The following AOPEP variants were observed in gnomAD, a reference collection of about 807,000 sequenced individuals.
AOPEP encodes the protein aminopeptidase O (putative).
A neutral mutation model predicts 98.1 loss-of-function variants in AOPEP; 77 were observed. That is an observed-to-expected ratio of 0.78 (90% CI 0.65 to 0.95). The LOEUF (loss-of-function observed/expected upper bound fraction) is 0.95, where lower values mean the gene tolerates loss of function less well. AOPEP is among the 40% of genes least tolerant of loss of function. AOPEP has a pLI of 0.00. For synonymous variants in AOPEP, 346 were observed against 365.3 expected, an observed-to-expected ratio of 0.95 and a Z score of 0.60; for missense variants, 1,024 against 1,024.7, an observed-to-expected ratio of 1.00 and a Z score of 0.01.
intron 3 of AOPEP, among the ~76,000 whole-genome samples, chr9:94,789,921 G>A (rs923117565): frequency 4.6e-5 from 7 of 151,406 alleles, no homozygotes; most frequent in South Asian, 2.1e-4. Context: ...TGGCCCAGGC[G>A]GGAGTGCAGT....
chr9:94,955,881 T>C (rs1461503452), intron 8 of AOPEP, 27 bp from the exon 9 acceptor site: 2 of 1,535,946 alleles, frequency 1.3e-6, no homozygotes, highest in Non-Finnish European at 1.8e-6. Flanking sequence ...TAGGCCTCTT[T>C]TTCTCTCTCT....
intron 10 of AOPEP, among the ~76,000 whole-genome samples, chr9:94,977,463 T>G (rs1201945664): frequency 1.3e-5 from 2 of 152,144 alleles, no homozygotes; most frequent in Non-Finnish European, 2.9e-5. Context: ...GCCCCACTGC[T>G]CTGGCAAATT....
intron 3 of AOPEP, among the ~76,000 whole-genome samples, chr9:94,791,503 CA>C (rs34364751): frequency 0.15 from 21,155 of 136,612 alleles, 1,570 homozygotes; most frequent in Admixed American, 0.2. Flanking sequence ...ACCTGTCTCT[CA>C]AAAAAAAAAA....
intron 5 of AOPEP, among the ~76,000 whole-genome samples, chr9:94,835,558 A>G (rs1321145662): frequency 6.6e-6 from 1 of 152,204 alleles, no homozygotes; most frequent in African/African-American, 2.4e-5. Context: ...GGTTTCCTGC[A>G]CGTCCCAGTG....
intron 5 of AOPEP, chr9:94,900,699 A>T (rs1277954732): frequency 6.6e-6 from 1 of 152,188 alleles, no homozygotes; most frequent in Admixed American, 6.5e-5. Flanking sequence ...TTTTCTCTGC[A>T]TGTCTGTATC....
downstream of AOPEP, among the ~76,000 whole-genome samples, chr9:95,090,447 C>G (rs933141587): frequency 2.0e-5 from 3 of 152,218 alleles, no homozygotes; most frequent in African/African-American, 4.8e-5. Context: ...GCTGTCTGAA[C>G]ACAGGCTGCG....
the AOPEP span, chr9:95,099,733 C>T: frequency 4.3e-6 from 1 of 232,616 alleles, no homozygotes; most frequent in Non-Finnish European, 8.5e-6. Flanking sequence ...GCACCACCGG[C>T]AAGGCCGCCT....
intron 5 of AOPEP, among the ~76,000 whole-genome samples, chr9:94,891,513 A>G (rs1395962981): frequency 1.3e-5 from 2 of 152,080 alleles, no homozygotes; most frequent in African/African-American, 4.8e-5. Context: ...TTTTTTTAGC[A>G]TATTGCATTT....
In AOPEP at chr9:95,011,926, A is replaced by G. The variant is rs143657289; in HGVS notation, c.2115+6310A>G. 3.9e-4 allele frequency among the ~76,000 whole-genome samples: 59 copies of G among 152,304 alleles called. 1 individual carries two copies. In the East Asian group the frequency reaches 0.011, roughly 27 times the overall value. On this transcript the variant is annotated intron_variant, in intron 13 of 16. Coordinates refer to ENST00000375315, the MANE Select transcript of AOPEP (RefSeq NM_001193329.3). ...AAGGAAAGTTAAAGTATCATCATCC[A>G]CTTACCCACATACACTTATTCACAT...
intron 10 of AOPEP, among the ~76,000 whole-genome samples, chr9:94,969,293 G>A (rs540519019): frequency 2.0e-5 from 3 of 152,104 alleles, no homozygotes; most frequent in Non-Finnish European, 2.9e-5. Context: ...GCTGACCACC[G>A]ACAGGGTTTG....
chr9:95,081,917 TG>T (rs2134241124), intron 15 of AOPEP, among the ~76,000 whole-genome samples: 1 of 152,268 alleles, frequency 6.6e-6, no homozygotes, highest in East Asian at 1.9e-4. Flanking sequence ...CAGATCCAGA[TG>T]GGCCCTTGGG....
intron 5 of AOPEP, among the ~76,000 whole-genome samples, chr9:94,855,724 G>C (rs1024392397): frequency 2.0e-5 from 3 of 152,102 alleles, no homozygotes; most frequent in Non-Finnish European, 2.9e-5. Context: ...AAATTGTGGG[G>C]CATCTTGTTT....
At chr9:94,810,503 T>C (rs1446487822) in intron 5 of AOPEP, among the ~76,000 whole-genome samples, 1 of 151,914 alleles carries the variant, frequency 6.6e-6, no homozygotes, top group Non-Finnish European at 1.5e-5. Flanking sequence ...TTAATAGAGA[T>C]GAGGTTTCAC....
chr9:94,844,549 A>C (rs988335992), intron 5 of AOPEP, among the ~76,000 whole-genome samples: 1 of 152,208 alleles, frequency 6.6e-6, no homozygotes, highest in Non-Finnish European at 1.5e-5. Flanking sequence ...CTACATTGTT[A>C]CTTGCTGTAG....
chr9:95,125,349 T>C, the AOPEP span, among the ~76,000 whole-genome samples: 1 of 152,212 alleles, frequency 6.6e-6, no homozygotes, highest in Admixed American at 6.5e-5. Flanking sequence ...CAGGATAAAT[T>C]TGTCGCTCCC....
chr9:94,877,393 A>T (rs1345771664), intron 5 of AOPEP, among the ~76,000 whole-genome samples: 1 of 151,528 alleles, frequency 6.6e-6, no homozygotes, highest in Admixed American at 6.6e-5. Flanking sequence ...CACATTTAGT[A>T]AAAAAATGAC....
intron 14 of AOPEP, among the ~76,000 whole-genome samples, chr9:95,075,173 A>G (rs2068919922): frequency 6.6e-6 from 1 of 152,138 alleles, no homozygotes; most frequent in Non-Finnish European, 1.5e-5. Context: ...TGCTGACTCT[A>G]GGCTCTCAGG....
At chr9:94,807,742 C>T (rs1849543798) in intron 5 of AOPEP, among the ~76,000 whole-genome samples, 1 of 152,244 alleles carries the variant, frequency 6.6e-6, no homozygotes, top group South Asian at 2.1e-4. Context: ...TACCACTACA[C>T]AGAGTGAGCA....
chr9:94,962,326 AAAG>A (rs2058900629), intron 9 of AOPEP, among the ~76,000 whole-genome samples: 1 of 152,188 alleles, frequency 6.6e-6, no homozygotes, highest in African/African-American at 2.4e-5. Context: ...CACAGGCAAA[AAAG>A]AAGACAGACA....
Sources: gnomAD v4.1 joint callset for allele counts (sites outside exome capture counted in the v4.1 genomes callset) on GRCh38, gnomAD v4.1.1 for gene constraint, MANE v1.5 for transcripts, NCBI Gene and HGNC (gene_info 2026-07-23, HGNC 2026-07-21) for gene names.